The following SLC30A6 variants were observed in gnomAD, a reference collection of about 807,000 sequenced individuals.
SLC30A6 encodes zinc transporter 6.
In SLC30A6, 55 loss-of-function variants were observed where a neutral mutation model predicts 63.0. The observed-to-expected ratio is 0.87, with a 90% CI of 0.70 to 1.09. The LOEUF is 1.09. Among genes scored for constraint, SLC30A6 ranks in the 50% least tolerant of loss-of-function variants. SLC30A6 has a pLI of 0.00. For missense variants in SLC30A6, 587 were observed against 549.2 expected, an observed-to-expected ratio of 1.07 and a Z score of -0.69; for synonymous variants, 224 against 186.1, an observed-to-expected ratio of 1.20 and a Z score of -1.66.
chr2:32,181,519 T>G (rs1385164979), intron 4 of SLC30A6, among the ~76,000 whole-genome samples: 1 of 152,166 alleles, frequency 6.6e-6, no homozygotes, highest in African/African-American at 2.4e-5. Context: ...TTTCTTATTA[T>G]TAACAAATCT....
intron 11 of SLC30A6, 119 bp downstream of exon 11, chr2:32,204,811 A>ATTTTAAT (rs1553337092): frequency 5.5e-6 from 1 of 180,600 alleles, no homozygotes; most frequent in Non-Finnish European, 9.9e-6. Flanking sequence ...TTTAATTTTA[A>ATTTTAAT]TTTTTTTTTT....
chr2:32,215,299 A>G (rs1685599722), intron 13 of SLC30A6, among the ~76,000 whole-genome samples: 1 of 151,910 alleles, frequency 6.6e-6, no homozygotes, highest in Non-Finnish European at 1.5e-5. Flanking sequence ...GGCTCAAGCC[A>G]TCCTCACACC....
intron 5 of SLC30A6, chr2:32,187,024 AAG>A (rs1192317228): frequency 8.3e-6 from 3 of 360,758 alleles, no homozygotes; most frequent in Non-Finnish European, 1.6e-5. Flanking sequence ...AAGAAAGAAA[AAG>A]AAAAATGAGT....
intron 1 of SLC30A6, among the ~76,000 whole-genome samples, chr2:32,166,999 A>G (rs1217939855): frequency 6.7e-6 from 1 of 150,240 alleles, no homozygotes; most frequent in Non-Finnish European, 1.5e-5. Context: ...TTTTTTCTGT[A>G]GCACTCAAGA....
At chr2:32,166,357 C>T (rs927365132) in intron 1 of SLC30A6, among the ~76,000 whole-genome samples, 1 of 151,344 alleles carries the variant, frequency 6.6e-6, no homozygotes, top group Non-Finnish European at 1.5e-5. Flanking sequence ...TCTCACTCTG[C>T]AACTTGGCTT....
chr2:32,184,625 C>T (rs542907628), intron 5 of SLC30A6, among the ~76,000 whole-genome samples: 69 of 152,074 alleles, frequency 4.5e-4, no homozygotes, highest in African/African-American at 1.6e-3. Flanking sequence ...ATTAGCCAGG[C>T]GTGGTGGCAT....
chr2:32,174,216 A>G (rs1681499803), intron 3 of SLC30A6, 69 bp downstream of exon 3: 2 of 1,110,312 alleles, frequency 1.8e-6, no homozygotes, highest in South Asian at 1.4e-5. Context: ...AAATAAAGGT[A>G]TATCTTACAT....
At chr2:32,169,280 C>CA (rs1680965890) in intron 1 of SLC30A6, among the ~76,000 whole-genome samples, 1 of 152,108 alleles carries the variant, frequency 6.6e-6, no homozygotes, top group African/African-American at 2.4e-5. Flanking sequence ...GCGATCCTTC[C>CA]ACCTTGGTGT....
At chr2:32,210,740 T>C (rs146527291) in intron 13 of SLC30A6, among the ~76,000 whole-genome samples, 3 of 152,246 alleles carry the variant, frequency 2.0e-5, no homozygotes, top group African/African-American at 7.2e-5. Context: ...TTACCCACTT[T>C]GCAGTCTTTA....
At chr2:32,193,389 A>G (rs1010004861) in intron 7 of SLC30A6, among the ~76,000 whole-genome samples, 3 of 152,160 alleles carry the variant, frequency 2.0e-5, no homozygotes, top group African/African-American at 7.2e-5. Flanking sequence ...AACCTGGACA[A>G]CAGAGTGAGA....
chr2:32,192,314 C>A, intron 5 of SLC30A6, 22 bp from the exon 6 acceptor site: 1 of 1,606,986 alleles, frequency 6.2e-7, no homozygotes, highest in Non-Finnish European at 8.5e-7. Context: ...TTGTGATGAT[C>A]TAATTAATGT....
intron 11 of SLC30A6, among the ~76,000 whole-genome samples, chr2:32,205,154 C>T (rs1684638359): frequency 6.6e-6 from 1 of 152,112 alleles, no homozygotes; most frequent in South Asian, 2.1e-4. Context: ...GGAGAGGTGG[C>T]TCACGCTTGT....
At chr2:32,173,440 C>G (rs1437018399) in intron 2 of SLC30A6, among the ~76,000 whole-genome samples, 1 of 151,002 alleles carries the variant, frequency 6.6e-6, no homozygotes, top group Admixed American at 6.6e-5. Flanking sequence ...GTGGCACAAT[C>G]TCATCTTACT....
intron 4 of SLC30A6, among the ~76,000 whole-genome samples, chr2:32,176,740 A>G (rs1256499038): frequency 6.6e-6 from 1 of 151,216 alleles, no homozygotes; most frequent in African/African-American, 2.4e-5. Context: ...AGAGTTGTGC[A>G]TTCATCACCA....
chr2:32,219,289 G>C (rs1213197515), intron 13 of SLC30A6, among the ~76,000 whole-genome samples: 3 of 151,796 alleles, frequency 2.0e-5, no homozygotes, highest in Non-Finnish European at 4.4e-5. Context: ...GCCCACCTCA[G>C]CCTCCCAAAG....
In SLC30A6 at chr2:32,192,623, G is replaced by C. The variant is rs377455299; in HGVS notation, c.365+207G>C. On this transcript the variant is annotated intron_variant, in intron 6 of 13. Coordinates refer to ENST00000282587, the MANE Select transcript of SLC30A6 (RefSeq NM_017964.5). The stretch of plus-strand genomic sequence containing the variant: ...TCCTTAATGCTACTAAATTGAATCA[G>C]AAGTGGTTGTGAATGAAACAGAGAT... Among the ~76,000 whole-genome samples, 25 of 152,152 alleles carry C rather than the reference G, an allele frequency of 1.6e-4. No homozygotes were observed. In the South Asian group the frequency reaches 4.6e-3, roughly 28 times the overall value.
At chr2:32,175,696 G>A (rs1681674178) in intron 4 of SLC30A6, among the ~76,000 whole-genome samples, 1 of 152,052 alleles carries the variant, frequency 6.6e-6, no homozygotes, top group African/African-American at 2.4e-5. Context: ...TAATTAGAGA[G>A]CAGGTGGGGC....
At position 32,203,164 on chromosome 2, in the gene SLC30A6, C is replaced by A; in HGVS notation, c.666-1426C>A. 2.4e-6 allele frequency: 3 copies of A among 1,247,812 alleles called. No homozygotes were observed. In the South Asian group the frequency reaches 3.6e-5, roughly 15 times the overall value. The allele number at this position is 1,247,812 out of a possible 1,614,324, so 77.3% of individuals were successfully genotyped here. On this transcript the variant is annotated intron_variant, in intron 10 of 13. Coordinates refer to ENST00000282587, the MANE Select transcript of SLC30A6 (RefSeq NM_017964.5). ...GTGGCTGCCTGTGGTTTGGACATTC[C>A]TGAAGTTGACCTGGTGATTCATGGT... is the stretch of plus-strand genomic sequence containing the variant.
chr2:32,210,984 A>G (rs1573410919), intron 13 of SLC30A6, among the ~76,000 whole-genome samples: 1 of 152,168 alleles, frequency 6.6e-6, no homozygotes, highest in Non-Finnish European at 1.5e-5. Context: ...GGAGTTACCT[A>G]TGGGGCACTC....
Sources: gnomAD v4.1 joint callset for allele counts (sites outside exome capture counted in the v4.1 genomes callset) on GRCh38, gnomAD v4.1.1 for gene constraint, MANE v1.5 for transcripts, NCBI Gene and HGNC (gene_info 2026-07-23, HGNC 2026-07-21) for gene names.